Variants in ST8SIA1 observed in about 807,000 individuals in gnomAD.
The protein encoded by ST8SIA1 is alpha-N-acetylneuraminide alpha-2,8-sialyltransferase.
Under a neutral mutation model 35.9 loss-of-function variants are expected in ST8SIA1, and 16 were observed. The observed-to-expected ratio is 0.45, with a 90% CI of 0.30 to 0.68. The LOEUF is 0.68. ST8SIA1 is among the 30% of genes least tolerant of loss of function. ST8SIA1 has a pLI of 0.09. For missense variants in ST8SIA1, 383 were observed against 453.6 expected, an observed-to-expected ratio of 0.84 and a Z score of 1.41; for synonymous variants, 170 against 169.6, an observed-to-expected ratio of 1.00 and a Z score of -0.02.
At chr12:22,250,736 A>G (rs1865659495) in intron 3 of ST8SIA1, 2 of 152,214 alleles carry the variant, frequency 1.3e-5, no homozygotes, top group African/African-American at 4.8e-5. Context: ...TTACCCTGTG[A>G]GTATCAACAC....
intron 4 of ST8SIA1, among the ~76,000 whole-genome samples, chr12:22,238,812 T>C (rs1359136030): frequency 6.6e-6 from 1 of 152,242 alleles, no homozygotes; most frequent in Non-Finnish European, 1.5e-5. Flanking sequence ...GATTTATTGA[T>C]ATGTTTAGCA....
chr12:22,304,334 CTTTT>C (rs3063802), intron 1 of ST8SIA1, among the ~76,000 whole-genome samples: 13,335 of 106,242 alleles, frequency 0.13, 791 homozygotes, highest in South Asian at 0.32. Context: ...TTTTCTTTTT[CTTTT>C]TTTTTTTTTT....
At position 22,248,988 on chromosome 12, in the gene ST8SIA1, G is replaced by T; in HGVS notation, c.584+18C>A. 1.9e-6 allele frequency: 3 copies of T among 1,580,574 alleles called. No homozygotes were observed. The South Asian group carries it at 3.3e-5, about 18-fold the overall frequency. On this transcript the variant is annotated intron_variant, in intron 4 of 4. Transcript: ENST00000396037. ...ACTTCATCTTCGTTCGTCACAAACA[G>T]AAGTCATAAACTCTTACCTTTGCCG...
At chr12:22,250,740 T>C (rs1416111749) in intron 3 of ST8SIA1, 2 of 152,218 alleles carry the variant, frequency 1.3e-5, no homozygotes, top group Non-Finnish European at 2.9e-5. Flanking sequence ...CCTGTGAGTA[T>C]CAACACATCA....
chr12:22,212,804 G>C (rs1865188986), intron 4 of ST8SIA1, among the ~76,000 whole-genome samples: 1 of 152,122 alleles, frequency 6.6e-6, no homozygotes, highest in Admixed American at 6.6e-5. Flanking sequence ...AGACTACAGT[G>C]GGGCCTCAAT....
intron 1 of ST8SIA1, among the ~76,000 whole-genome samples, chr12:22,317,842 G>A (rs1866539744): frequency 6.6e-6 from 1 of 152,170 alleles, no homozygotes; most frequent in Non-Finnish European, 1.5e-5. Flanking sequence ...CCATCTTAGA[G>A]GTTGTGCATC....
chr12:22,251,598 A>C (rs1360286083), intron 3 of ST8SIA1, among the ~76,000 whole-genome samples: 1 of 152,200 alleles, frequency 6.6e-6, no homozygotes, highest in African/African-American at 2.4e-5. Flanking sequence ...TCAACTCATA[A>C]ATTGATAATT....
At chr12:22,253,100 G>C (rs1865692219) in intron 3 of ST8SIA1, among the ~76,000 whole-genome samples, 2 of 152,206 alleles carry the variant, frequency 1.3e-5, no homozygotes, top group Non-Finnish European at 2.9e-5. Context: ...TAGAGTAAGA[G>C]TTGCCACAAT....
At chr12:22,310,218 T>C (rs1311592819) in intron 1 of ST8SIA1, among the ~76,000 whole-genome samples, 2 of 152,188 alleles carry the variant, frequency 1.3e-5, no homozygotes, top group Non-Finnish European at 2.9e-5. Flanking sequence ...CCATCAATAA[T>C]TGTTATTCTG....
At position 22,246,973 on chromosome 12, in the gene ST8SIA1, G is replaced by C. The variant is rs532469842; in HGVS notation, c.584+2033C>G. On this transcript the variant is annotated intron_variant, in intron 4 of 4. Coordinates refer to ENST00000396037, the MANE Select transcript of ST8SIA1 (RefSeq NM_003034.4). ...CGTGTTTTCTTCATAGTGAGCTTAA[G>C]TCTTAACCAACAGTTCTACTTTCCT... Among the ~76,000 whole-genome samples the C allele has an allele frequency of 3.9e-5, 6 of 152,238 alleles. No homozygotes were observed. In the South Asian group the frequency reaches 8.3e-4, roughly 21 times the overall value.
chr12:22,261,028 C>T (rs967491030), intron 2 of ST8SIA1, among the ~76,000 whole-genome samples: 1 of 151,868 alleles, frequency 6.6e-6, no homozygotes, highest in African/African-American at 2.4e-5. Context: ...AGGCATGTAC[C>T]ACCATGCCTG....
chr12:22,199,163 T>TC lies in ST8SIA1; in HGVS notation c.*2388_*2389insG, dbSNP rs1245163448. 2.0e-5 allele frequency: 3 copies of TC among 150,024 alleles called. No homozygotes were observed. The highest frequency in any genetic ancestry group is 4.9e-5 in the African/African-American group (2 of 41,014). The allele number at this position is 150,024 out of a possible 1,614,324, so 9.3% of individuals were successfully genotyped here. A position where few individuals can be genotyped will look rare whatever the true frequency, so the allele number is the denominator to read the frequency against. On this transcript the variant is annotated 3_prime_UTR_variant, in exon 5 of 5. Transcript: ENST00000396037. ...TATTTTCTTTCTTTTTCTTTTCTTT[T>TC]TTTTTTTTTTGAGACAGGGTCTTGC...
At chr12:22,312,733 A>G (rs988753353) in intron 1 of ST8SIA1, among the ~76,000 whole-genome samples, 1 of 152,010 alleles carries the variant, frequency 6.6e-6, no homozygotes, top group Non-Finnish European at 1.5e-5. Flanking sequence ...AAAAAACAAT[A>G]AATTTGTAAA....
rs77191344 is a variant in ST8SIA1 at position 22,241,033 on chromosome 12, C to T, written c.584+7973G>A. Among the ~76,000 whole-genome samples the T allele has an allele frequency of 7.1e-3, 1,037 of 145,040 alleles. 11 individuals carry two copies. The highest frequency in any genetic ancestry group is 0.025 in the African/African-American group (988 of 39,050). The stretch of plus-strand genomic sequence containing the variant: ...TTGCTCTGTTGCCCAGGCAAGACTG[C>T]AATCATGGCTAACCTTAACCCTAAC... On this transcript the variant is annotated intron_variant, in intron 4 of 4. Transcript: ENST00000396037.
chr12:22,247,154 A>T (rs1865615856), intron 4 of ST8SIA1, among the ~76,000 whole-genome samples: 1 of 129,944 alleles, frequency 7.7e-6, no homozygotes, highest in East Asian at 2.3e-4. Context: ...TCTCTCCCTC[A>T]GCTTGTTCTA....
At chr12:22,218,764 G>T (rs1865263396) in intron 4 of ST8SIA1, among the ~76,000 whole-genome samples, 1 of 151,768 alleles carries the variant, frequency 6.6e-6, no homozygotes. Context: ...AGGTTGCAGT[G>T]AGCTGAGATT....
intron 4 of ST8SIA1, among the ~76,000 whole-genome samples, chr12:22,231,518 G>A (rs1865420030): frequency 1.3e-5 from 2 of 151,848 alleles, no homozygotes; most frequent in East Asian, 1.9e-4. Context: ...GATGGCCAAG[G>A]ATAAACTAAT....
At chr12:22,273,780 T>G (rs1035349404) in intron 2 of ST8SIA1, among the ~76,000 whole-genome samples, 4 of 152,194 alleles carry the variant, frequency 2.6e-5, no homozygotes, top group African/African-American at 9.7e-5. Context: ...TCCACTAAAA[T>G]TTATTGAATC....
intron 4 of ST8SIA1, among the ~76,000 whole-genome samples, chr12:22,213,949 G>GAAATA: frequency 6.6e-6 from 1 of 152,160 alleles, no homozygotes; most frequent in Non-Finnish European, 1.5e-5. Context: ...ATTTCTAGAT[G>GAAATA]TGAAAGTGGT....
Sources: gnomAD v4.1 joint callset for allele counts (sites outside exome capture counted in the v4.1 genomes callset) on GRCh38, gnomAD v4.1.1 for gene constraint, MANE v1.5 for transcripts, NCBI Gene and HGNC (gene_info 2026-07-23, HGNC 2026-07-21) for gene names.